Variants in SCARA5 observed in about 807,000 individuals in gnomAD.
SCARA5 encodes the protein scavenger receptor class A member 5, also known as scavenger receptor class A, member 5 (putative).
Under a neutral mutation model 46.3 loss-of-function variants are expected in SCARA5, and 45 were observed. That is an observed-to-expected ratio of 0.97 (90% confidence interval 0.76 to 1.24). The LOEUF (loss-of-function observed/expected upper bound fraction) is 1.24, where lower values mean the gene tolerates loss of function less well. Among genes scored for constraint, SCARA5 ranks in the 50% most tolerant of loss-of-function variants. SCARA5 has a pLI of 0.00. For synonymous variants in SCARA5, 333 were observed against 306.5 expected, an observed-to-expected ratio of 1.09 and a Z score of -0.90; for missense variants, 680 against 689.0, an observed-to-expected ratio of 0.99 and a Z score of 0.15.
At chr8:27,872,378 G>A (rs1269220897) in intron 8 of SCARA5, among the ~76,000 whole-genome samples, 1 of 152,220 alleles carries the variant, frequency 6.6e-6, no homozygotes, top group Non-Finnish European at 1.5e-5. Flanking sequence ...CTTAAACTCT[G>A]TCATTCACTC....
chr8:27,924,427 G>A (rs975351350), intron 3 of SCARA5, among the ~76,000 whole-genome samples: 6 of 152,210 alleles, frequency 3.9e-5, no homozygotes, highest in African/African-American at 4.8e-5. Flanking sequence ...GGAAGCACAC[G>A]GCATTTGTGG....
At chr8:27,989,419 C>T (rs1409791246) in intron 1 of SCARA5, among the ~76,000 whole-genome samples, 2 of 152,128 alleles carry the variant, frequency 1.3e-5, no homozygotes, top group Admixed American at 1.3e-4. Flanking sequence ...TGAGCCACTG[C>T]ACCCAGCTGA....
intron 4 of SCARA5, among the ~76,000 whole-genome samples, chr8:27,919,852 A>T (rs2129808193): frequency 6.7e-6 from 1 of 150,310 alleles, no homozygotes; most frequent in East Asian, 1.9e-4. Flanking sequence ...TTTTCAAAAG[A>T]TGCCCACATG....
chr8:27,932,886 CT>C (rs1287120076), intron 3 of SCARA5, among the ~76,000 whole-genome samples: 1 of 152,260 alleles, frequency 6.6e-6, no homozygotes. Flanking sequence ...CCATCTCGGC[CT>C]CCCAAAATGC....
intron 3 of SCARA5, among the ~76,000 whole-genome samples, chr8:27,930,426 G>C (rs1807751606): frequency 6.6e-6 from 1 of 151,688 alleles, no homozygotes; most frequent in South Asian, 2.1e-4. Flanking sequence ...TTTTGAGACG[G>C]AGTTTCATTC....
intron 4 of SCARA5, among the ~76,000 whole-genome samples, chr8:27,915,581 C>T (rs2129790322): frequency 6.6e-6 from 1 of 152,364 alleles, no homozygotes; most frequent in East Asian, 1.9e-4. Flanking sequence ...AAGCCCCACT[C>T]TGTGACGTCA....
At chr8:27,937,377 T>G (rs1807875055) in intron 3 of SCARA5, among the ~76,000 whole-genome samples, 1 of 151,902 alleles carries the variant, frequency 6.6e-6, no homozygotes, top group South Asian at 2.1e-4. Flanking sequence ...GGGACAGGAG[T>G]GGGCAGGTAA....
chr8:27,917,116 T>C (rs1807475161), intron 4 of SCARA5, among the ~76,000 whole-genome samples: 1 of 152,190 alleles, frequency 6.6e-6, no homozygotes, highest in Admixed American at 6.5e-5. Context: ...CTGTGAGCAA[T>C]AAACCTCTGC....
Position 27,871,979 on chromosome 8 carries a change from G to A in SCARA5, c.1443C>T (p.Asn481=). ...RCSFSKWGVT[N]CGHAEDASVT... is the part of the protein sequence containing the mutation. ...CGCTGGCATCTTCGGCATGTCCACA[G>A]TTTGTCACCCCCCATTTGGAGAAGC... is the stretch of plus-strand genomic sequence containing the variant. The change falls in exon 9 of 9, where the codon AAC becomes AAT. Residue 481 remains asparagine, a synonymous_variant. Coordinates refer to ENST00000354914, the MANE Select transcript of SCARA5 (RefSeq NM_173833.6). 6.2e-7 allele frequency: 1 copy of A among 1,614,264 alleles called. No individual in the cohort carries two copies. Among genetic ancestry groups the A allele is most frequent in the Non-Finnish European group, 8.5e-7 (1 of 1,180,056 alleles).
At chr8:27,936,144 C>T (rs1195385692) in intron 3 of SCARA5, among the ~76,000 whole-genome samples, 1 of 152,106 alleles carries the variant, frequency 6.6e-6, no homozygotes, top group Admixed American at 6.5e-5. Context: ...GAGAGACTTT[C>T]CTTCTCTGCA....
chr8:27,922,053 G>T lies in SCARA5; in HGVS notation c.434C>A (p.Ala145Glu). Residue 145 changes from alanine to glutamate, a missense_variant, in exon 4 of 9, where the codon GCA becomes GAA. This residue lies in a region of SCARA5 where 438 missense variants were observed against 384.5 expected (regional missense o/e 1.14). Transcript: ENST00000354914. Reference sequence around the variant, plus strand: ...CAGCGCGCCCTCCAGCCGCTGCACTGCGCCCGCCAGCGCCAGCAACGAGTC... The same window carrying T: ...CAGCGCGCCCTCCAGCCGCTGCACTTCGCCCGCCAGCGCCAGCAACGAGTC... The part of the protein sequence containing the change: ...QSDSLLALAG[A>E]VQRLEGALWG... 1 of 1,576,072 alleles carries T rather than the reference G, an allele frequency of 6.3e-7. No individual in the cohort carries two copies.
chr8:27,880,424 A>G (rs1370233494), intron 7 of SCARA5, among the ~76,000 whole-genome samples: 1 of 152,064 alleles, frequency 6.6e-6, no homozygotes, highest in Non-Finnish European at 1.5e-5. Context: ...AACAAAGTGA[A>G]CAGACAACCT....
intron 4 of SCARA5, among the ~76,000 whole-genome samples, chr8:27,918,182 A>T (rs959526387): frequency 6.6e-6 from 1 of 152,114 alleles, no homozygotes; most frequent in Non-Finnish European, 1.5e-5. Flanking sequence ...TGTAAATTAC[A>T]CCTTATTAAA....
chr8:27,961,350 C>T (rs577022812), intron 3 of SCARA5, among the ~76,000 whole-genome samples: 2 of 152,280 alleles, frequency 1.3e-5, no homozygotes, highest in African/African-American at 2.4e-5. Context: ...CTCCTCCTTT[C>T]TGTTTCTTGC....
intron 3 of SCARA5, among the ~76,000 whole-genome samples, chr8:27,942,969 C>G (rs1807976439): frequency 6.6e-6 from 1 of 152,224 alleles, no homozygotes; most frequent in Non-Finnish European, 1.5e-5. Context: ...ACTGCTTCTT[C>G]TCAGATGAGA....
intron 7 of SCARA5, among the ~76,000 whole-genome samples, chr8:27,882,733 T>C (rs1806830614): frequency 6.6e-6 from 1 of 152,238 alleles, no homozygotes; most frequent in African/African-American, 2.4e-5. Context: ...GCGCCTGTTT[T>C]ATATGCCACT....
At chr8:27,954,216 G>A (rs1375239018) in intron 3 of SCARA5, among the ~76,000 whole-genome samples, 2 of 152,050 alleles carry the variant, frequency 1.3e-5, no homozygotes, top group Non-Finnish European at 2.9e-5. Context: ...AGGACTAGAA[G>A]AGGCCAGCTG....
intron 3 of SCARA5, among the ~76,000 whole-genome samples, chr8:27,964,869 C>T (rs1267505746): frequency 1.3e-5 from 2 of 152,144 alleles, no homozygotes; most frequent in African/African-American, 2.4e-5. Flanking sequence ...CTGTATCTGT[C>T]ACCTAAAAGT....
intron 8 of SCARA5, among the ~76,000 whole-genome samples, chr8:27,876,925 C>T (rs1806733967): frequency 6.6e-6 from 1 of 152,140 alleles, no homozygotes; most frequent in Admixed American, 6.5e-5. Flanking sequence ...GGGTAGGATG[C>T]TGGCAGGGTG....
Sources: allele counts gnomAD v4.1 joint callset (sites outside exome capture counted in the v4.1 genomes callset), GRCh38; gene constraint gnomAD v4.1.1; regional missense constraint gnomAD v4.1.1; transcripts MANE v1.5; gene names NCBI Gene and HGNC (gene_info 2026-07-23, HGNC 2026-07-21).